ROBO2: variants seen among roughly 807,000 people sequenced by gnomAD.
The protein encoded by ROBO2 is roundabout homolog 2.
In ROBO2, 53 loss-of-function variants were observed where a neutral mutation model predicts 160.8. The ratio of observed to expected loss-of-function variants is 0.33; its 90% CI spans 0.26 to 0.41. The LOEUF is 0.41. ROBO2 is among the 10% of genes least tolerant of loss of function. The pLI is 1.00. For missense variants in ROBO2, 1,577 were observed against 1,722.4 expected (o/e 0.92, Z 1.49); for synonymous variants, 664 against 611.7 (o/e 1.09, Z -1.26).
chr3:75,981,453 A>G (rs2065271347), intron 2 of ROBO2, among the ~76,000 whole-genome samples: 1 of 151,402 alleles, frequency 6.6e-6, no homozygotes, highest in African/African-American at 2.4e-5. Context: ...ATTATTATTC[A>G]CAAAAAATAA....
At chr3:77,267,673 G>A (rs2059220290) in intron 2 of ROBO2, among the ~76,000 whole-genome samples, 1 of 152,198 alleles carries the variant, frequency 6.6e-6, no homozygotes, top group Non-Finnish European at 1.5e-5. Context: ...TCATGCATTA[G>A]TGCTTGGCTA....
intron 2 of ROBO2, among the ~76,000 whole-genome samples, chr3:76,529,437 C>T (rs1305373010): frequency 6.6e-6 from 1 of 152,046 alleles, no homozygotes; most frequent in African/African-American, 2.4e-5. Context: ...CTCAACTTCT[C>T]TTTCTAAAAA....
At chr3:77,016,265 G>A (rs985445791) in intron 2 of ROBO2, among the ~76,000 whole-genome samples, 1 of 151,876 alleles carries the variant, frequency 6.6e-6, no homozygotes, top group South Asian at 2.1e-4. Context: ...ATGAGCCACC[G>A]CACCTGGCCC....
intron 2 of ROBO2, among the ~76,000 whole-genome samples, chr3:77,361,281 A>G (rs1264425926): frequency 6.6e-6 from 1 of 152,202 alleles, no homozygotes; most frequent in African/African-American, 2.4e-5. Context: ...ACTTTTTCAC[A>G]TAGTAAGTAC....
intron 2 of ROBO2, among the ~76,000 whole-genome samples, chr3:77,396,308 TG>T (rs2075280738): frequency 6.6e-6 from 1 of 152,158 alleles, no homozygotes; most frequent in Admixed American, 6.6e-5. Context: ...CTAGGCAGTC[TG>T]TAATACACTT....
chr3:77,120,873 T>C (rs1158512130), intron 2 of ROBO2, among the ~76,000 whole-genome samples: 1 of 152,174 alleles, frequency 6.6e-6, no homozygotes, highest in Non-Finnish European at 1.5e-5. Flanking sequence ...TCCTTACCCT[T>C]AGAAACCCAA....
Position 77,492,700 on chromosome 3 carries a change from G to A in ROBO2, c.668-544G>A, listed in dbSNP as rs185968480. 2.8e-3 allele frequency among the ~76,000 whole-genome samples: 431 copies of A among 152,234 alleles called. 5 individuals are homozygous for A. The highest frequency in any genetic ancestry group is 0.014 in the Middle Eastern group (4 of 292). On this transcript the variant is annotated intron_variant, in intron 4 of 25. Coordinates refer to ENST00000461745, the Ensembl canonical transcript of ROBO2. ...AGGTAGACATCTTTCCATACATGAA[G>A]TTAAAATAATCATGGGAATATTGAG...
intron 5 of ROBO2, among the ~76,000 whole-genome samples, chr3:77,513,140 T>A (rs2089608987): frequency 6.6e-6 from 1 of 152,016 alleles, no homozygotes; most frequent in East Asian, 1.9e-4. Context: ...AGGCTTGAAC[T>A]GAGCATGATA....
intron 2 of ROBO2, among the ~76,000 whole-genome samples, chr3:76,990,110 A>C (rs531135517): frequency 6.6e-6 from 1 of 152,184 alleles, no homozygotes; most frequent in Admixed American, 6.5e-5. Flanking sequence ...TATTCTTTTA[A>C]AAATTAAAAT....
intron 2 of ROBO2, among the ~76,000 whole-genome samples, chr3:76,901,262 A>G (rs1425331601): frequency 2.6e-5 from 4 of 151,938 alleles, no homozygotes; most frequent in South Asian, 2.1e-4. Flanking sequence ...TTAACTTTTA[A>G]TTTTTATTTT....
At chr3:77,311,904 A>G (rs1433290392) in intron 2 of ROBO2, among the ~76,000 whole-genome samples, 1 of 152,054 alleles carries the variant, frequency 6.6e-6, no homozygotes, top group Admixed American at 6.6e-5. Flanking sequence ...CAGACCAACA[A>G]GATGAAACCC....
At chr3:76,560,616 C>CAAAAA (rs1160642120) in intron 2 of ROBO2, among the ~76,000 whole-genome samples, 5 of 108,016 alleles carry the variant, frequency 4.6e-5, no homozygotes, top group Non-Finnish European at 5.9e-5. Context: ...TCTGATTTCA[C>CAAAAA]AAAAAAAAAA....
chr3:76,297,227 C>T (rs749123822), intron 2 of ROBO2, among the ~76,000 whole-genome samples: 11 of 152,168 alleles, frequency 7.2e-5, no homozygotes, highest in Non-Finnish European at 1.5e-4. Flanking sequence ...ATTAAAGCTG[C>T]AAACAACCAC....
intron 2 of ROBO2, among the ~76,000 whole-genome samples, chr3:76,155,679 C>T (rs1395946046): frequency 6.6e-6 from 1 of 152,234 alleles, no homozygotes; most frequent in South Asian, 2.1e-4. Flanking sequence ...CAAGTTTGCA[C>T]GTCTTTAACT....
At chr3:77,434,518 C>A (rs541095476) in intron 2 of ROBO2, among the ~76,000 whole-genome samples, 9 of 152,042 alleles carry the variant, frequency 5.9e-5, no homozygotes, top group Non-Finnish European at 1.3e-4. Context: ...AATGAATGAG[C>A]TCATTTAACA....
At chr3:76,228,965 G>C (rs2107459398) in intron 2 of ROBO2, among the ~76,000 whole-genome samples, 1 of 152,270 alleles carries the variant, frequency 6.6e-6, no homozygotes. Context: ...TGAGAAGTGA[G>C]CTGTGATTGC....
At chr3:77,126,835 C>A (rs1344962418) in intron 2 of ROBO2, among the ~76,000 whole-genome samples, 2 of 126,030 alleles carry the variant, frequency 1.6e-5, no homozygotes, top group Admixed American at 1.0e-4. Flanking sequence ...GTCTCCCAGG[C>A]TGGAGTGCAG....
chr3:76,331,414 C>T (rs991042120), intron 2 of ROBO2, among the ~76,000 whole-genome samples: 25 of 151,986 alleles, frequency 1.6e-4, no homozygotes, highest in Non-Finnish European at 3.4e-4. Context: ...TTACAAGCTT[C>T]TTTTTTTATA....
At chr3:77,634,648 G>A in intron 23 of ROBO2, 1 of 535,174 alleles carries the variant, frequency 1.9e-6, no homozygotes, top group South Asian at 2.1e-5. Context: ...TTGATTTTGA[G>A]GGGGCCAGTG....
Sources: allele counts gnomAD v4.1 joint callset (sites outside exome capture counted in the v4.1 genomes callset), GRCh38; gene constraint gnomAD v4.1.1; transcripts MANE v1.5; gene names NCBI Gene and HGNC (gene_info 2026-07-23, HGNC 2026-07-21).